Variants in GRIN2B observed in about 807,000 individuals in gnomAD.
GRIN2B encodes the protein glutamate ionotropic receptor NMDA type subunit 2B, also known as glutamate receptor ionotropic, NMDA 2B.
A neutral mutation model predicts 114.5 loss-of-function variants in GRIN2B; 5 were observed. The ratio of observed to expected loss-of-function variants is 0.04; its 90% CI spans 0.02 to 0.09. The LOEUF is 0.09. Ranked by LOEUF, GRIN2B falls within the 10% of genes least tolerant of loss-of-function variation. GRIN2B has a pLI of 1.00. For synonymous variants in GRIN2B, 787 were observed against 745.1 expected (o/e 1.06, Z -0.92); for missense variants, 1,108 against 1,943.5 (o/e 0.57, Z 8.08).
intron 3 of GRIN2B, among the ~76,000 whole-genome samples, chr12:13,853,908 G>A (rs995674072): frequency 1.3e-5 from 2 of 152,234 alleles, no homozygotes; most frequent in African/African-American, 4.8e-5. Context: ...CAAGCTATAT[G>A]TTAGGTTCTG....
At chr12:13,704,828 T>C (rs1428374497) in intron 4 of GRIN2B, among the ~76,000 whole-genome samples, 1 of 152,206 alleles carries the variant, frequency 6.6e-6, no homozygotes, top group Non-Finnish European at 1.5e-5. Flanking sequence ...ATGTTAACCA[T>C]TATTATAATG....
intron 4 of GRIN2B, among the ~76,000 whole-genome samples, chr12:13,744,683 C>T (rs2136619768): frequency 6.6e-6 from 1 of 152,298 alleles, no homozygotes; most frequent in African/African-American, 2.4e-5. Context: ...GCTGCTGCTG[C>T]TGGAAGCTGG....
rs996293693 is a variant in GRIN2B, at chr12:13,554,140, C to A, written c.*8643G>T. Reference sequence around the variant, plus strand: ...AATATTTACTAATGCCTTTCATATACAAGGCACTCTGTTTAGTGCTACAGG... The same window carrying A: ...AATATTTACTAATGCCTTTCATATAAAAGGCACTCTGTTTAGTGCTACAGG... On this transcript the variant is annotated 3_prime_UTR_variant, in exon 14 of 14. Coordinates refer to ENST00000609686, the MANE Select transcript of GRIN2B (RefSeq NM_000834.5). 1 of 152,046 alleles carries A rather than the reference C, an allele frequency of 6.6e-6. No individual in the cohort carries two copies. The highest frequency in any genetic ancestry group is 2.4e-5 in the African/African-American group (1 of 41,408). 9.4% of individuals were successfully genotyped at this position (152,046 alleles called of 1,614,324 possible).
intron 3 of GRIN2B, among the ~76,000 whole-genome samples, chr12:13,863,352 C>T (rs1865778107): frequency 6.6e-6 from 1 of 152,186 alleles, no homozygotes; most frequent in Non-Finnish European, 1.5e-5. Flanking sequence ...ACATCCCCCA[C>T]AATGCCATCT....
At chr12:13,878,162 C>T (rs966289641) in intron 2 of GRIN2B, among the ~76,000 whole-genome samples, 10 of 151,924 alleles carry the variant, frequency 6.6e-5, no homozygotes, top group Non-Finnish European at 1.5e-4. Context: ...ACTTCCCAGT[C>T]GTCCGGTTTC....
intron 5 of GRIN2B, among the ~76,000 whole-genome samples, chr12:13,622,027 G>T (rs558211605): frequency 1.6e-4 from 24 of 152,112 alleles, no homozygotes; most frequent in African/African-American, 5.3e-4. Context: ...AGGGAGAGGG[G>T]ACCAGGGCAG....
intron 3 of GRIN2B, among the ~76,000 whole-genome samples, chr12:13,782,316 G>A (rs146955396): frequency 3.2e-4 from 48 of 151,700 alleles, no homozygotes; most frequent in South Asian, 1.3e-3. Context: ...CTCTCTCCCC[G>A]CTCCCTCTCT....
In GRIN2B at chr12:13,559,493, C is replaced by T. The variant is rs1488765609; in HGVS notation, c.*3290G>A. 1 of 152,214 alleles carries T rather than the reference C, an allele frequency of 6.6e-6. No individual in the cohort carries two copies. Among genetic ancestry groups the T allele is most frequent in the Non-Finnish European group, 1.5e-5 (1 of 68,042 alleles). 9.4% of individuals were successfully genotyped at this position (152,214 alleles called of 1,614,324 possible). On this transcript the variant is annotated 3_prime_UTR_variant, in exon 14 of 14. Coordinates refer to ENST00000609686, the MANE Select transcript of GRIN2B (RefSeq NM_000834.5). ...CCTGGCTCGAGGCCAGTAGCACCTT[C>T]CTGATGGCAGTAATGAGGACAAGGC... is the stretch of plus-strand genomic sequence containing the variant.
intron 2 of GRIN2B, among the ~76,000 whole-genome samples, chr12:13,914,184 G>T (rs550038895): frequency 1.4e-4 from 21 of 152,148 alleles, no homozygotes; most frequent in Middle Eastern, 3.4e-3. Flanking sequence ...CAAATCAATT[G>T]TCTCACCTTT....
At chr12:13,873,896 A>C (rs1248443400) in intron 2 of GRIN2B, among the ~76,000 whole-genome samples, 1 of 152,262 alleles carries the variant, frequency 6.6e-6, no homozygotes, top group Non-Finnish European at 1.5e-5. Flanking sequence ...ATGGAAACAG[A>C]AAATCAAAAC....
chr12:13,954,811 G>GAAAAAAAAAAAAAAAAAAAAAAAAAAA lies in GRIN2B; in HGVS notation c.-19+25116_-19+25117insTTTTTTTTTTTTTTTTTTTTTTTTTTT, dbSNP rs61525874. On this transcript the variant is annotated intron_variant, in intron 2 of 13. Transcript: ENST00000609686. ...GTGACAGAGTGAGACTCCGTCTCAG[G>GAAAAAAAAAAAAAAAAAAAAAAAAAAA]AAAAAAAAAAAAAAAAAACTTTTTC... Among the ~76,000 whole-genome samples, 130 of 25,520 alleles carry GAAAAAAAAAAAAAAAAAAAAAAAAAAA rather than the reference G, an allele frequency of 5.1e-3. 34 individuals carry two copies. Among genetic ancestry groups the GAAAAAAAAAAAAAAAAAAAAAAAAAAA allele is most frequent in the Middle Eastern group, 0.033 (1 of 30 alleles). The allele number at this position is 25,520 out of a possible 152,430, so 16.7% of individuals were successfully genotyped here. A position where few individuals can be genotyped will look rare whatever the true frequency, so the allele number is the denominator to read the frequency against.
chr12:13,592,368 C>T (rs1591627061), intron 10 of GRIN2B, among the ~76,000 whole-genome samples: 4 of 152,192 alleles, frequency 2.6e-5, no homozygotes, highest in African/African-American at 9.7e-5. Flanking sequence ...ATGAACCTAT[C>T]TGCAGTAGCC....
intron 3 of GRIN2B, among the ~76,000 whole-genome samples, chr12:13,853,708 A>G (rs1865611510): frequency 6.6e-6 from 1 of 152,190 alleles, no homozygotes; most frequent in African/African-American, 2.4e-5. Context: ...TGAGGAAGGG[A>G]AAGGTGATAG....
At chr12:13,734,429 T>C (rs893502813) in intron 4 of GRIN2B, among the ~76,000 whole-genome samples, 7 of 152,150 alleles carry the variant, frequency 4.6e-5, no homozygotes, top group Admixed American at 4.6e-4. Flanking sequence ...CCCGAGACCA[T>C]GGGAACGCTT....
At chr12:13,878,459 T>A (rs1866024194) in intron 2 of GRIN2B, among the ~76,000 whole-genome samples, 1 of 152,254 alleles carries the variant, frequency 6.6e-6, no homozygotes, top group South Asian at 2.1e-4. Flanking sequence ...GTTCATTTCT[T>A]GTGGTTTCTG....
Position 13,866,020 on chromosome 12 carries a change from G to A in GRIN2B, c.189C>T (p.Ser63=), listed in dbSNP as rs199707487. The change falls in exon 3 of 14, where the codon TCC becomes TCT. Residue 63 remains serine (S), a synonymous_variant. Transcript: ENST00000609686. ...AHEKDDFHHL[S]VVPRVELVAM... is the part of the protein sequence containing the mutation. Reference sequence around the variant, plus strand: ...CTACCAGTTCCACCCGGGGTACCACGGAGAGATGGTGGAAATCATCTTTCT... The same window carrying A: ...CTACCAGTTCCACCCGGGGTACCACAGAGAGATGGTGGAAATCATCTTTCT... The A allele has an allele frequency of 3.0e-5, 49 of 1,613,878 alleles. No homozygotes were observed. The highest frequency in any genetic ancestry group is 5.3e-5 in the African/African-American group (4 of 74,900).
rs34417194 is a variant in GRIN2B at position 13,824,855 on chromosome 12, C to CAAAAA, written c.411+40938_411+40942dup. Among the ~76,000 whole-genome samples the CAAAAA allele has an allele frequency of 5.8e-4, 55 of 95,114 alleles. 3 individuals are homozygous for CAAAAA. In the South Asian group the frequency reaches 0.02, roughly 35 times the overall value. 62.4% of individuals were successfully genotyped at this position (95,114 alleles called of 152,430 possible). ...TGGGCAACAGAGCGAGACTCCATTT[C>CAAAAA]AAAAAAAAAAAAAAAAAAAAAAATC... On this transcript the variant is annotated intron_variant, in intron 3 of 13. Transcript: ENST00000609686.
chr12:13,827,862 A>G (rs1056168498), intron 3 of GRIN2B, among the ~76,000 whole-genome samples: 1 of 152,162 alleles, frequency 6.6e-6, no homozygotes, highest in African/African-American at 2.4e-5. Context: ...TTGTATTTTT[A>G]GTAGAAACAA....
chr12:13,720,055 G>C (rs1950492949), intron 4 of GRIN2B, among the ~76,000 whole-genome samples: 1 of 152,030 alleles, frequency 6.6e-6, no homozygotes. Flanking sequence ...AGTGTGAGGG[G>C]AGCATGATAG....
Sources: gnomAD v4.1 joint callset for allele counts (sites outside exome capture counted in the v4.1 genomes callset) on GRCh38, gnomAD v4.1.1 for gene constraint, MANE v1.5 for transcripts, NCBI Gene and HGNC (gene_info 2026-07-23, HGNC 2026-07-21) for gene names.